Variants in RNLS observed in about 807,000 individuals in gnomAD.
RNLS encodes the protein renalase, FAD dependent amine oxidase.
Under a neutral mutation model 39.8 loss-of-function variants are expected in RNLS, and 39 were observed. The observed-to-expected ratio is 0.98, with a 90% CI of 0.76 to 1.28. The LOEUF (loss-of-function observed/expected upper bound fraction) is 1.28. Among genes scored for constraint, RNLS ranks in the 50% most tolerant of loss-of-function variants. RNLS has a pLI of 0.00. For synonymous variants in RNLS, 147 were observed against 150.7 expected (o/e 0.98, Z 0.18); for missense variants, 410 against 413.3 (o/e 0.99, Z 0.07).
At chr10:88,273,381 C>T (rs1842704805), downstream of RNLS, among the ~76,000 whole-genome samples, 1 of 152,192 alleles carries the variant, frequency 6.6e-6, no homozygotes, top group East Asian at 1.9e-4. Flanking sequence ...CACATAAATG[C>T]ATGTTATACT....
At chr10:88,495,795 T>G (rs1224542785) in intron 4 of RNLS, among the ~76,000 whole-genome samples, 1 of 152,092 alleles carries the variant, frequency 6.6e-6, no homozygotes, top group African/African-American at 2.4e-5. Flanking sequence ...GAATCCGTGG[T>G]TAAAGGCAGT....
exon 7 of RNLS, chr10:88,274,910 TAAAAAAA>T: frequency 8.8e-7 from 1 of 1,130,740 alleles, no homozygotes; most frequent in South Asian, 1.5e-5. Flanking sequence ...GTGGTATCCT[TAAAAAAA>T]AAAATCAAAT....
At chr10:88,311,134 A>C (rs1845348308) in intron 6 of RNLS, among the ~76,000 whole-genome samples, 1 of 152,130 alleles carries the variant, frequency 6.6e-6, no homozygotes, top group Non-Finnish European at 1.5e-5. Context: ...TTGAAGAAAG[A>C]GGGGGAAAAT....
chr10:88,531,665 C>G (rs565688734), intron 4 of RNLS, among the ~76,000 whole-genome samples: 1 of 152,156 alleles, frequency 6.6e-6, no homozygotes, highest in Admixed American at 6.5e-5. Context: ...ATGGCACATA[C>G]TAAGTCAGGG....
In RNLS at chr10:88,502,545, T is replaced by G. The variant is rs1477259676; in HGVS notation, c.526+70358A>C. ...GCATGAGGCCCTCACCAGATGTAGC[T>G]GCCCAGTCTTGGACTTTTCAGCCAG... is the stretch of plus-strand genomic sequence containing the variant. On this transcript the variant is annotated intron_variant, in intron 4 of 6. Coordinates refer to ENST00000331772, the MANE Select transcript of RNLS (RefSeq NM_001031709.3). Among the ~76,000 whole-genome samples the G allele has an allele frequency of 2.6e-5, 4 of 152,172 alleles. No homozygotes were observed. The East Asian group carries it at 5.8e-4, about 22-fold the overall frequency.
intron 4 of RNLS, among the ~76,000 whole-genome samples, chr10:88,563,669 G>C (rs1041098819): frequency 1.2e-4 from 19 of 152,130 alleles, no homozygotes; most frequent in Non-Finnish European, 1.9e-4. Flanking sequence ...TTGCGTACCA[G>C]AGCATTATGT....
intron 4 of RNLS, among the ~76,000 whole-genome samples, chr10:88,530,379 T>C (rs1847347008): frequency 6.6e-6 from 1 of 152,206 alleles, no homozygotes; most frequent in African/African-American, 2.4e-5. Flanking sequence ...TTATTCTTTG[T>C]TTCCTGTTTC....
chr10:88,548,360 T>C (rs913107859), intron 4 of RNLS, among the ~76,000 whole-genome samples: 3 of 142,244 alleles, frequency 2.1e-5, no homozygotes, highest in African/African-American at 7.9e-5. Context: ...AATAGAATCA[T>C]ATGTAAAAAT....
intron 5 of RNLS, among the ~76,000 whole-genome samples, chr10:88,330,713 T>C (rs1223962487): frequency 6.6e-6 from 1 of 152,076 alleles, no homozygotes; most frequent in Non-Finnish European, 1.5e-5. Context: ...TATATATCAG[T>C]GATAACTAGT....
chr10:88,546,904 C>CAA (rs35186408), intron 4 of RNLS, among the ~76,000 whole-genome samples: 16 of 133,488 alleles, frequency 1.2e-4, no homozygotes, highest in South Asian at 2.3e-4. Context: ...ACCATGAAAC[C>CAA]AAAAAAAAAA....
chr10:88,472,487 C>A (rs184504592), intron 4 of RNLS, among the ~76,000 whole-genome samples: 4 of 152,102 alleles, frequency 2.6e-5, no homozygotes, highest in African/African-American at 9.6e-5. Flanking sequence ...GGGATCTGCC[C>A]AAACAAGACT....
At chr10:88,190,751 G>T in the RNLS span, among the ~76,000 whole-genome samples, 8 of 152,172 alleles carry the variant, frequency 5.3e-5, no homozygotes, top group Non-Finnish European at 7.3e-5. Flanking sequence ...ATACACATCT[G>T]TGCTTGCTTA....
chr10:88,414,169 T>A lies in RNLS; in HGVS notation c.527-51444A>T, dbSNP rs1347684876. Among the ~76,000 whole-genome samples, 3 of 152,250 alleles carry A rather than the reference T, an allele frequency of 2.0e-5. No homozygotes were observed. The East Asian group carries it at 5.8e-4, about 29-fold the overall frequency. On this transcript the variant is annotated intron_variant, in intron 4 of 6. Coordinates refer to ENST00000331772, the MANE Select transcript of RNLS (RefSeq NM_001031709.3). ...CTATGTGGTCTTCTGTTAACTTGTCTTTAGAGATTGTATCATTACCATTGC... is the reference window on the plus strand; with the variant it reads ...CTATGTGGTCTTCTGTTAACTTGTCATTAGAGATTGTATCATTACCATTGC...
the RNLS span, among the ~76,000 whole-genome samples, chr10:88,195,441 T>C: frequency 6.6e-6 from 1 of 152,070 alleles, no homozygotes; most frequent in Non-Finnish European, 1.5e-5. Flanking sequence ...TTTGCTACCC[T>C]CCATTGCCTG....
intron 6 of RNLS, among the ~76,000 whole-genome samples, chr10:88,307,792 C>T (rs1254227261): frequency 6.6e-6 from 1 of 152,102 alleles, no homozygotes; most frequent in Admixed American, 6.5e-5. Flanking sequence ...GCTATTAAAC[C>T]ACCATTAACA....
chr10:88,358,339 A>G (rs1481280680), intron 5 of RNLS, among the ~76,000 whole-genome samples: 1 of 152,170 alleles, frequency 6.6e-6, no homozygotes, highest in Non-Finnish European at 1.5e-5. Context: ...GTGAAGCATG[A>G]AAGGTGACAT....
exon 7 of RNLS, chr10:88,274,706 C>G: frequency 2.7e-6 from 1 of 371,464 alleles, no homozygotes; most frequent in South Asian, 3.2e-5. Context: ...GGATAGATAT[C>G]CAGATGTGGA....
chr10:88,475,726 C>T (rs1189398462), intron 4 of RNLS, among the ~76,000 whole-genome samples: 1 of 152,018 alleles, frequency 6.6e-6, no homozygotes, highest in Non-Finnish European at 1.5e-5. Context: ...GGGGGTGGGA[C>T]TTTGTGTCTT....
At chr10:88,451,795 T>A (rs916017117) in intron 4 of RNLS, among the ~76,000 whole-genome samples, 2 of 151,488 alleles carry the variant, frequency 1.3e-5, no homozygotes, top group African/African-American at 4.9e-5. Context: ...GCTTAAAAGT[T>A]AAACATCACA....
Sources: gnomAD v4.1 joint callset for allele counts (sites outside exome capture counted in the v4.1 genomes callset) on GRCh38, gnomAD v4.1.1 for gene constraint, MANE v1.5 for transcripts, NCBI Gene and HGNC (gene_info 2026-07-23, HGNC 2026-07-21) for gene names.